Variants in DNAH1 observed in about 807,000 individuals in gnomAD.
DNAH1 encodes dynein axonemal heavy chain 1.
A neutral mutation model predicts 484.3 loss-of-function variants in DNAH1; 327 were observed. The ratio of observed to expected loss-of-function variants is 0.68; its 90% CI spans 0.62 to 0.74. DNAH1 has a LOEUF of 0.74. Among genes scored for constraint, DNAH1 ranks in the 30% least tolerant of loss-of-function variants. DNAH1 has a pLI of 0.00. For missense variants in DNAH1, 5,052 were observed against 5,546.8 expected, an observed-to-expected ratio of 0.91 and a Z score of 2.83; for synonymous variants, 2,192 against 2,191.9, an observed-to-expected ratio of 1.00 and a Z score of 0.00.
intron 14 of DNAH1, 145 bp from the exon 15 acceptor site, chr3:52,349,843 GC>G: frequency 8.2e-7 from 1 of 1,218,256 alleles, no homozygotes; most frequent in Non-Finnish European, 1.1e-6. Flanking sequence ...CCCACCAGGA[GC>G]ACCCCTCTTG....
At chr3:52,378,504 G>A (rs752513960) in intron 46 of DNAH1, 98 bp from the exon 47 acceptor site, 3 of 1,314,726 alleles carry the variant, frequency 2.3e-6, no homozygotes, top group Non-Finnish European at 2.1e-6. Flanking sequence ...GGGGCTTGGT[G>A]GGGGGCACAG....
upstream of DNAH1, among the ~76,000 whole-genome samples, chr3:52,312,645 ATTTGT>A (rs993854212): frequency 2.0e-5 from 3 of 147,660 alleles, no homozygotes; most frequent in Non-Finnish European, 3.0e-5. Context: ...TAATTTTCGT[ATTTGT>A]TTTGTTTTGT....
At chr3:52,386,139 C>T in intron 54 of DNAH1, 21 bp from the exon 55 acceptor site, 1 of 1,603,058 alleles carries the variant, frequency 6.2e-7, no homozygotes, top group Non-Finnish European at 8.5e-7. Flanking sequence ...GGGAGGACAT[C>T]CCTATGTCTC....
At chr3:52,348,788 C>T (rs916970322) in intron 12 of DNAH1, 100 bp from the exon 13 acceptor site, 12 of 1,328,092 alleles carry the variant, frequency 9.0e-6, no homozygotes, top group African/African-American at 2.9e-5. Context: ...ACATCCTGCC[C>T]CTGCTTGCCC....
chr3:52,350,173 T>C, intron 15 of DNAH1, 65 bp downstream of exon 15: 1 of 1,572,580 alleles, frequency 6.4e-7, no homozygotes, highest in Middle Eastern at 2.2e-4. Context: ...GTCCGAGGGC[T>C]GGGGCAGGCA....
chr3:52,359,154 A>G, intron 25 of DNAH1, 92 bp from the exon 26 acceptor site: 1 of 1,496,386 alleles, frequency 6.7e-7, no homozygotes, highest in Non-Finnish European at 9.0e-7. Context: ...CAAGTCTGAA[A>G]GGCCAGAGCA....
chr3:52,362,016 C>T lies in DNAH1; in HGVS notation c.4980+250C>T, dbSNP rs566229816. On this transcript the variant is annotated intron_variant, in intron 30 of 77. Transcript: ENST00000420323. The surrounding 1 kb of genome is among the most constrained non-coding windows in gnomAD (Gnocchi z 5.1). Reference sequence around the variant, plus strand: ...CAGGCATTGGTCCTTTCTCTAGCCACGTGCAGGGCGGCCAGGGACCTTGTT... The same window carrying T: ...CAGGCATTGGTCCTTTCTCTAGCCATGTGCAGGGCGGCCAGGGACCTTGTT... Among the ~76,000 whole-genome samples, 3 of 152,346 alleles carry T rather than the reference C, an allele frequency of 2.0e-5. No homozygotes were observed. In the South Asian group the frequency reaches 6.2e-4, roughly 32 times the overall value.
At chr3:52,367,414 G>A (rs571639529) in intron 36 of DNAH1, among the ~76,000 whole-genome samples, 12 of 152,096 alleles carry the variant, frequency 7.9e-5, no homozygotes, top group African/African-American at 2.9e-4. Flanking sequence ...CACTAGGGAG[G>A]GACAGTCGCC....
At chr3:52,386,980 T>A in intron 56 of DNAH1, 127 bp downstream of exon 56, 1 of 1,026,618 alleles carries the variant, frequency 9.7e-7, no homozygotes. Flanking sequence ...GTCCTGTCTC[T>A]CTCTGTCCAC....
At chr3:52,396,186 G>T (rs1019418445) in intron 70 of DNAH1, among the ~76,000 whole-genome samples, 182 bp from the exon 71 acceptor site, 8 of 152,038 alleles carry the variant, frequency 5.3e-5, no homozygotes, top group Non-Finnish European at 1.2e-4. Flanking sequence ...GCCTGCCTTG[G>T]CCTTCCAAAG....
chr3:52,353,436 A>C lies in DNAH1; in HGVS notation c.3283A>C (p.Ile1095Leu). 1 of 1,613,888 alleles carries C rather than the reference A, an allele frequency of 6.2e-7. No individual in the cohort carries two copies. The change falls in exon 20 of 78, where the codon ATC (isoleucine) becomes CTC (leucine). Residue 1095 changes from isoleucine to leucine, a missense_variant. This residue lies in a region of DNAH1 where 2,929 missense variants were observed against 3,409.4 expected (regional missense o/e 0.86). Coordinates refer to ENST00000420323, the MANE Select transcript of DNAH1 (RefSeq NM_015512.5). This position sits in a 1 kb window ranked among gnomAD's most constrained non-coding sequence, Gnocchi z 5.0. The stretch of plus-strand genomic sequence containing the variant: ...CCGCATCGAGGAGTTCAAACCATAC[A>C]TCCCACTGATCCAGGGGCTGCGCAA... ...RARIEEFKPY[I>L]PLIQGLRNPG...
Position 52,361,753 on chromosome 3 carries a change from CGCA to C in DNAH1, c.4976_4978del (p.Gln1659del). 6.2e-7 allele frequency: 1 copy of C among 1,608,266 alleles called. No homozygotes were observed. Among genetic ancestry groups the C allele is most frequent in the Non-Finnish European group, 8.5e-7 (1 of 1,177,658 alleles). ...CAGCAGATCACCACCATCCAGAAGG[CGCA>C]GCAGCAGCGGGTGAGCCCGGGGGAC... On this transcript the variant is annotated inframe_deletion, in exon 30 of 78. Transcript: ENST00000420323. This position sits in a 1 kb window ranked among gnomAD's most constrained non-coding sequence, Gnocchi z 5.6.
chr3:52,391,147 C>A, intron 61 of DNAH1, 32 bp from the exon 62 acceptor site: 1 of 1,613,174 alleles, frequency 6.2e-7, no homozygotes. Flanking sequence ...CTCTCAGTCC[C>A]TGCAACCCCT....
At chr3:52,359,120 A>G in intron 25 of DNAH1, 126 bp from the exon 26 acceptor site, 3 of 1,365,750 alleles carry the variant, frequency 2.2e-6, no homozygotes, top group South Asian at 2.9e-5. Flanking sequence ...CTCTGAAGGG[A>G]CTGGTGGCAT....
At position 52,332,392 on chromosome 3, in the gene DNAH1, C is replaced by T. The variant is rs1205973721; in HGVS notation, c.1284C>T (p.Pro428=). The stretch of plus-strand genomic sequence containing the variant: ...GCACGCCTCGGATGCGCAAAGGCCC[C>T]TCGTGAGTCCCCGCTCGGCCTTCCC... The part of the protein sequence containing the change: ...ALSTPRMRKG[P]SVLEHLSSLA... The change falls in exon 8 of 78, where the codon CCC becomes CCT. Residue 428 remains proline, a splice_region_variant and synonymous_variant. Transcript: ENST00000420323. 6.2e-7 allele frequency: 1 copy of T among 1,612,244 alleles called. No homozygotes were observed. Among genetic ancestry groups the T allele is most frequent in the East Asian group, 2.2e-5 (1 of 44,856 alleles).
chr3:52,369,800 C>G, intron 37 of DNAH1, 25 bp from the exon 38 acceptor site: 1 of 1,583,556 alleles, frequency 6.3e-7, no homozygotes, highest in Non-Finnish European at 8.6e-7. Context: ...AGCCAGCCCA[C>G]TCATTTGGTT....
chr3:52,320,734 GGGGCTTGCTT>G (rs1216833799), intron 1 of DNAH1, among the ~76,000 whole-genome samples: 6 of 152,146 alleles, frequency 3.9e-5, no homozygotes, highest in Non-Finnish European at 1.5e-5. Flanking sequence ...CCAGGGAAGG[GGGGCTTGCTT>G]GGGCTAGGCC....
In DNAH1 at chr3:52,388,516, A is replaced by C; in HGVS notation, c.9270A>C (p.Thr3090=). The C allele has an allele frequency of 6.2e-7, 1 of 1,612,952 alleles. No individual in the cohort carries two copies. The highest frequency in any genetic ancestry group is 8.5e-7 in the Non-Finnish European group (1 of 1,179,526). ...GTGAGGTGGAGGACGGCATCGCCAC[A>C]ATGCAGGCTAAGTACCGGGAATGCA... The part of the protein sequence containing the change: ...RLREVEDGIA[T]MQAKYRECIT... The change falls in exon 58 of 78, where the codon ACA becomes ACC. Residue 3090 remains threonine (T), a synonymous_variant. Coordinates refer to ENST00000420323, the MANE Select transcript of DNAH1 (RefSeq NM_015512.5).
intron 8 of DNAH1, among the ~76,000 whole-genome samples, chr3:52,339,714 G>T (rs1489798921): frequency 6.6e-6 from 1 of 151,966 alleles, no homozygotes; most frequent in Non-Finnish European, 1.5e-5. Flanking sequence ...TGATTTGCAA[G>T]CTTTCTAGTT....
Sources: gnomAD v4.1 joint callset for allele counts (sites outside exome capture counted in the v4.1 genomes callset) on GRCh38, gnomAD v4.1.1 for gene constraint, gnomAD v4.1.1 regional missense constraint, Gnocchi (gnomAD v3.1) non-coding constraint, MANE v1.5 for transcripts, NCBI Gene and HGNC (gene_info 2026-07-23, HGNC 2026-07-21) for gene names.